Variants in CARNMT1 observed in about 807,000 individuals in gnomAD.
The protein encoded by CARNMT1 is protein-L-histidine N-pros-methyltransferase CARNMT1.
Under a neutral mutation model 49.6 loss-of-function variants are expected in CARNMT1, and 28 were observed. That is an observed-to-expected ratio of 0.56 (90% confidence interval 0.42 to 0.77). The LOEUF is 0.77. Ranked by LOEUF, CARNMT1 falls within the 30% of genes least tolerant of loss-of-function variation. The pLI is 0.00. For synonymous variants in CARNMT1, 178 were observed against 175.0 expected (o/e 1.02, Z -0.13); for missense variants, 421 against 512.6 (o/e 0.82, Z 1.73).
At chr9:74,988,580 C>T (rs1832919653) in intron 6 of CARNMT1, among the ~76,000 whole-genome samples, 1 of 152,162 alleles carries the variant, frequency 6.6e-6, no homozygotes, top group Non-Finnish European at 1.5e-5. Context: ...TTTCATCAGT[C>T]TTTAGTCCGC....
At position 75,006,803 on chromosome 9, in the gene CARNMT1, C is replaced by T. The variant is rs193219909; in HGVS notation, c.591-6933G>A. 3.8e-4 allele frequency among the ~76,000 whole-genome samples: 58 copies of T among 152,200 alleles called. 1 individual carries two copies. The highest frequency in any genetic ancestry group is 1.2e-3 in the African/African-American group (48 of 41,554). On this transcript the variant is annotated intron_variant, in intron 3 of 7. Coordinates refer to ENST00000376834, the MANE Select transcript of CARNMT1 (RefSeq NM_152420.3). Reference sequence around the variant, plus strand: ...TTAGTACCATTTAGAGTTAACTCATCCTTTCCTCACCAGTTTACATTTTGT... The same window carrying T: ...TTAGTACCATTTAGAGTTAACTCATTCTTTCCTCACCAGTTTACATTTTGT...
intron 3 of CARNMT1, among the ~76,000 whole-genome samples, chr9:75,012,770 T>C (rs62569589): frequency 6.6e-6 from 1 of 151,126 alleles, no homozygotes. Flanking sequence ...AAAAAAAAAT[T>C]AGCCAGGCGT....
In CARNMT1 at chr9:74,980,889, T is replaced by G. The variant is rs2118733789; in HGVS notation, c.*2878A>C. 6.6e-6 allele frequency: 1 copy of G among 152,278 alleles called. No individual in the cohort carries two copies. Among genetic ancestry groups the G allele is most frequent in the South Asian group, 2.1e-4 (1 of 4,828 alleles). 9.4% of individuals were successfully genotyped at this position (152,278 alleles called of 1,614,324 possible). A position where few individuals can be genotyped will look rare whatever the true frequency, so the allele number is the denominator to read the frequency against. The stretch of plus-strand genomic sequence containing the variant: ...GCCTGGCATATTATAAGGCGAAGTA[T>G]TCATGTTACTGACTTCTTAGAAGCA... On this transcript the variant is annotated 3_prime_UTR_variant, in exon 8 of 8. Coordinates refer to ENST00000376834, the MANE Select transcript of CARNMT1 (RefSeq NM_152420.3).
intron 6 of CARNMT1, among the ~76,000 whole-genome samples, chr9:74,985,412 C>T (rs1170614627): frequency 6.6e-6 from 1 of 152,166 alleles, no homozygotes; most frequent in Non-Finnish European, 1.5e-5. Context: ...CTCAAGTTAA[C>T]CTAGGTAGTA....
intron 3 of CARNMT1, among the ~76,000 whole-genome samples, chr9:75,008,380 G>A (rs1277459857): frequency 6.6e-6 from 1 of 152,040 alleles, no homozygotes; most frequent in East Asian, 1.9e-4. Flanking sequence ...TGCCCAGGCT[G>A]GAGTGCAATG....
chr9:74,995,013 CA>C (rs1441143879), intron 6 of CARNMT1, among the ~76,000 whole-genome samples: 8 of 151,776 alleles, frequency 5.3e-5, no homozygotes, highest in Non-Finnish European at 8.8e-5. Flanking sequence ...CAGGTAGTTA[CA>C]ATTATTGTAT....
chr9:75,011,795 G>A (rs867195796), intron 3 of CARNMT1, among the ~76,000 whole-genome samples: 2 of 152,150 alleles, frequency 1.3e-5, no homozygotes, highest in African/African-American at 4.8e-5. Context: ...AGATGAGGCA[G>A]GCTTCCAACT....
At chr9:74,990,685 C>T (rs1207414903) in intron 6 of CARNMT1, among the ~76,000 whole-genome samples, 2 of 152,160 alleles carry the variant, frequency 1.3e-5, no homozygotes, top group Non-Finnish European at 2.9e-5. Context: ...AACTAGGAAT[C>T]CTTGGAAATA....
intron 3 of CARNMT1, among the ~76,000 whole-genome samples, chr9:75,008,774 C>A (rs1282112505): frequency 6.6e-6 from 1 of 152,196 alleles, no homozygotes; most frequent in Non-Finnish European, 1.5e-5. Flanking sequence ...ATATTCAGCA[C>A]AATCCTTAAT....
chr9:74,989,256 A>T (rs1176399505), intron 6 of CARNMT1, among the ~76,000 whole-genome samples: 1 of 152,052 alleles, frequency 6.6e-6, no homozygotes, highest in Non-Finnish European at 1.5e-5. Flanking sequence ...GACTACAGGC[A>T]CAGGCCACTA....
intron 1 of CARNMT1, among the ~76,000 whole-genome samples, chr9:75,018,125 A>C (rs1321911854): frequency 1.3e-5 from 2 of 152,212 alleles, no homozygotes; most frequent in East Asian, 3.9e-4. Flanking sequence ...GCAGTGGCAC[A>C]GTCTCGGCTC....
At chr9:75,028,376 C>A (rs909811201), upstream of CARNMT1, 1 of 1,299,240 alleles carries the variant, frequency 7.7e-7, no homozygotes, top group Non-Finnish European at 9.7e-7. Flanking sequence ...GCCCCCGCCA[C>A]CCTCAGGCCT....
intron 1 of CARNMT1, 55 bp from the exon 2 acceptor site, chr9:75,017,503 A>G: frequency 1.4e-6 from 2 of 1,452,316 alleles, no homozygotes; most frequent in Non-Finnish European, 1.9e-6. Flanking sequence ...CCAGAGGCCA[A>G]TCTTACTTTA....
chr9:75,007,653 G>A (rs370078100), intron 3 of CARNMT1, among the ~76,000 whole-genome samples: 1 of 149,376 alleles, frequency 6.7e-6, no homozygotes, highest in Non-Finnish European at 1.5e-5. Context: ...CACTTGAACC[G>A]AGGAGGCAGA....
chr9:75,023,428 A>G (rs1235062838), intron 1 of CARNMT1, among the ~76,000 whole-genome samples: 3 of 152,188 alleles, frequency 2.0e-5, no homozygotes, highest in Admixed American at 6.5e-5. Flanking sequence ...AAGTAATATC[A>G]AGGTTGCAAG....
At chr9:74,984,103 C>T (rs1832755083) in intron 7 of CARNMT1, among the ~76,000 whole-genome samples, 1 of 152,168 alleles carries the variant, frequency 6.6e-6, no homozygotes, top group Non-Finnish European at 1.5e-5. Context: ...GAGCTCTGAA[C>T]TACTATAATA....
intron 6 of CARNMT1, among the ~76,000 whole-genome samples, chr9:74,990,723 G>A (rs963668949): frequency 6.6e-6 from 1 of 152,124 alleles, no homozygotes; most frequent in African/African-American, 2.4e-5. Context: ...GTACAAGATG[G>A]GCTTGGAATA....
At position 75,028,281 on chromosome 9, in the gene CARNMT1, C is replaced by G. The variant is rs1392050958; in HGVS notation, c.-40G>C. On this transcript the variant is annotated 5_prime_UTR_variant, in exon 1 of 8. Coordinates refer to ENST00000376834, the MANE Select transcript of CARNMT1 (RefSeq NM_152420.3). Reference sequence around the variant, plus strand: ...TCGGCCTGGCTCGCTTGCGTCTCTCCGCGACCGACAGCGTGGTGGCGGCTG... The same window carrying G: ...TCGGCCTGGCTCGCTTGCGTCTCTCGGCGACCGACAGCGTGGTGGCGGCTG... 2 of 1,343,994 alleles carry G rather than the reference C, an allele frequency of 1.5e-6. No individual in the cohort carries two copies. The highest frequency in any genetic ancestry group is 4.2e-5 in the Admixed American group (1 of 24,028). 83.3% of individuals were successfully genotyped at this position (1,343,994 alleles called of 1,614,324 possible).
At chr9:74,991,894 T>C (rs951362490) in intron 6 of CARNMT1, among the ~76,000 whole-genome samples, 1 of 152,226 alleles carries the variant, frequency 6.6e-6, no homozygotes. Flanking sequence ...ATGTGTTTTA[T>C]ATCTTTTTAT....
Sources: allele counts gnomAD v4.1 joint callset (sites outside exome capture counted in the v4.1 genomes callset), GRCh38; gene constraint gnomAD v4.1.1; transcripts MANE v1.5; gene names NCBI Gene and HGNC (gene_info 2026-07-23, HGNC 2026-07-21).